METAP1: variants seen among roughly 807,000 people sequenced by gnomAD.
The protein encoded by METAP1 is methionyl aminopeptidase 1, also known as methionine aminopeptidase 1.
A neutral mutation model predicts 53.8 loss-of-function variants in METAP1; 28 were observed. The ratio of observed to expected loss-of-function variants is 0.52; its 90% CI spans 0.39 to 0.71. The LOEUF is 0.71. Among genes scored for constraint, METAP1 ranks in the 30% least tolerant of loss-of-function variants. The pLI is 0.00. For synonymous variants in METAP1, 181 were observed against 165.7 expected (o/e 1.09, Z -0.71); for missense variants, 389 against 479.8 (o/e 0.81, Z 1.77).
At chr4:99,022,264 A>T (rs568822632) in intron 1 of METAP1, 1 of 537,782 alleles carries the variant, frequency 1.9e-6, no homozygotes, top group East Asian at 3.6e-5. Flanking sequence ...TATGAGGTAG[A>T]CAGGAAACAG....
At chr4:99,055,632 T>G (rs74580129) in intron 9 of METAP1, among the ~76,000 whole-genome samples, 1,534 of 152,276 alleles carry the variant, frequency 0.01, 26 homozygotes, top group African/African-American at 0.035. Context: ...TAAAAATTAT[T>G]GAGAGATATG....
intron 1 of METAP1, among the ~76,000 whole-genome samples, chr4:98,999,249 A>G (rs181708973): frequency 6.2e-4 from 94 of 152,258 alleles, no homozygotes; most frequent in African/African-American, 2.0e-3. Context: ...ATGCATCAAA[A>G]TAGAGAGGTA....
intron 1 of METAP1, among the ~76,000 whole-genome samples, chr4:99,021,219 A>G (rs373504614): frequency 6.6e-6 from 1 of 152,190 alleles, no homozygotes; most frequent in African/African-American, 2.4e-5. Flanking sequence ...TCTCAACCAC[A>G]GTCATTCACT....
Position 99,061,269 on chromosome 4 carries a change from A to C in METAP1, c.1113A>C (p.Leu371=), listed in dbSNP as rs771976847. 62 of 1,613,828 alleles carry C rather than the reference A, an allele frequency of 3.8e-5. No homozygotes were observed. The highest frequency in any genetic ancestry group is 5.1e-5 in the Non-Finnish European group (60 of 1,179,880). Residue 371 remains leucine, a synonymous_variant, in exon 11 of 11, where the codon CTA becomes CTC. Transcript: ENST00000296411. ...TCACAGACACTGGCTGTGAAATCCT[A>C]ACCCGGCGACTTGACAGTGCACGGC... ...LLVTDTGCEI[L]TRRLDSARPH...
At chr4:99,028,752 A>G (rs1434722505) in intron 1 of METAP1, 115 bp from the exon 2 acceptor site, 3 of 617,432 alleles carry the variant, frequency 4.9e-6, no homozygotes, top group Non-Finnish European at 8.0e-6. Flanking sequence ...TCGCAAAGTT[A>G]CAGGTCTTGG....
intron 9 of METAP1, among the ~76,000 whole-genome samples, chr4:99,052,044 A>G (rs1726753175): frequency 6.6e-6 from 1 of 152,244 alleles, no homozygotes; most frequent in African/African-American, 2.4e-5. Flanking sequence ...AGACCCTTGC[A>G]ATATAGTGAA....
intron 1 of METAP1, among the ~76,000 whole-genome samples, chr4:99,014,885 G>A (rs928235473): frequency 6.6e-6 from 1 of 152,166 alleles, no homozygotes; most frequent in African/African-American, 2.4e-5. Context: ...GGAATATTGA[G>A]TTCTCCTCCT....
intron 1 of METAP1, chr4:99,023,098 C>G: frequency 2.6e-6 from 3 of 1,142,694 alleles, no homozygotes; most frequent in East Asian, 6.2e-5. Context: ...CGCCTTTGCT[C>G]TGTTGCGGCC....
intron 8 of METAP1, 132 bp from the exon 9 acceptor site, chr4:99,048,601 C>T (rs1451400987): frequency 2.1e-6 from 2 of 963,440 alleles, no homozygotes; most frequent in African/African-American, 1.6e-5. Context: ...AACTCCTGAG[C>T]TCAGGCGATC....
At chr4:99,038,491 A>G (rs989958580) in intron 4 of METAP1, among the ~76,000 whole-genome samples, 1 of 152,058 alleles carries the variant, frequency 6.6e-6, no homozygotes, top group Non-Finnish European at 1.5e-5. Context: ...ATTTGTCAGT[A>G]TTGAACTATC....
chr4:99,054,894 CA>C lies in METAP1; in HGVS notation c.932-2855del, dbSNP rs982675826. Among the ~76,000 whole-genome samples the C allele has an allele frequency of 2.1e-4, 32 of 152,016 alleles. 1 individual carries two copies. Among genetic ancestry groups the C allele is most frequent in the Admixed American group, 2.0e-3 (31 of 15,268 alleles). ...TACATGGGCACAGTTTGTGGTGCTC[CA>C]AAACAATTAAAATTTTAACATCAAA... On this transcript the variant is annotated intron_variant, in intron 9 of 10. Coordinates refer to ENST00000296411, the MANE Select transcript of METAP1 (RefSeq NM_015143.3).
intron 1 of METAP1, among the ~76,000 whole-genome samples, chr4:99,000,784 A>G (rs1722884828): frequency 6.6e-6 from 1 of 151,134 alleles, no homozygotes; most frequent in Non-Finnish European, 1.5e-5. Context: ...GTTCACTGCA[A>G]CCTTCACCTC....
chr4:99,010,568 T>A (rs1011051927), intron 1 of METAP1, among the ~76,000 whole-genome samples: 9 of 152,252 alleles, frequency 5.9e-5, no homozygotes, highest in African/African-American at 2.2e-4. Context: ...TACACCATTT[T>A]CATTACTGTA....
At position 99,042,206 on chromosome 4, in the gene METAP1, A is replaced by G. The variant is rs374660011; in HGVS notation, c.517-1043A>G. 1.4e-4 allele frequency among the ~76,000 whole-genome samples: 22 copies of G among 152,122 alleles called. No homozygotes were observed. The East Asian group carries it at 3.5e-3, about 24-fold the overall frequency. On this transcript the variant is annotated intron_variant, in intron 6 of 10. Transcript: ENST00000296411. ...GCTCTGAACTATTATTTGTAATGCTATGAGAAGTAGAGAAGTATATTCCTA... is the reference window on the plus strand; with the variant it reads ...GCTCTGAACTATTATTTGTAATGCTGTGAGAAGTAGAGAAGTATATTCCTA...
At chr4:99,022,259 G>C (rs1374945434) in intron 1 of METAP1, 2 of 510,062 alleles carry the variant, frequency 3.9e-6, no homozygotes, top group Non-Finnish European at 6.0e-6. Context: ...TCTATTATGA[G>C]GTAGACAGGA....
chr4:99,059,185 G>T (rs62325211), intron 10 of METAP1, among the ~76,000 whole-genome samples: 4,564 of 152,252 alleles, frequency 0.03, 80 homozygotes, highest in Non-Finnish European at 0.035. Flanking sequence ...AGATATACTT[G>T]AAGTGTAACT....
intron 1 of METAP1, among the ~76,000 whole-genome samples, chr4:99,020,130 C>A (rs1469863965): frequency 6.6e-5 from 10 of 152,096 alleles, no homozygotes; most frequent in Admixed American, 2.6e-4. Context: ...AGCAGCTCTG[C>A]AGATCATGTT....
At chr4:99,012,831 T>C (rs1414672538) in intron 1 of METAP1, among the ~76,000 whole-genome samples, 5 of 152,140 alleles carry the variant, frequency 3.3e-5, no homozygotes, top group African/African-American at 4.8e-5. Context: ...CAGACATTAA[T>C]CTGTACATGT....
intron 1 of METAP1, among the ~76,000 whole-genome samples, chr4:98,996,474 G>A (rs1013618820): frequency 2.0e-5 from 3 of 152,248 alleles, no homozygotes; most frequent in Non-Finnish European, 4.4e-5. Flanking sequence ...TGACACTTAA[G>A]CAACTTTGGG....
Sources: allele counts gnomAD v4.1 joint callset (sites outside exome capture counted in the v4.1 genomes callset), GRCh38; gene constraint gnomAD v4.1.1; transcripts MANE v1.5; gene names NCBI Gene and HGNC (gene_info 2026-07-23, HGNC 2026-07-21).